ADARB2: variants seen among roughly 807,000 people sequenced by gnomAD.
ADARB2 encodes inactive double-stranded RNA-specific editase B2.
In ADARB2, 25 loss-of-function variants were observed where a neutral mutation model predicts 62.2. The ratio of observed to expected loss-of-function variants is 0.40; its 90% confidence interval spans 0.29 to 0.56. The LOEUF (loss-of-function observed/expected upper bound fraction) is 0.56. ADARB2 is among the 20% of genes least tolerant of loss of function. ADARB2 has a pLI of 0.43. For missense variants in ADARB2, 1,071 were observed against 1,077.4 expected (o/e 0.99, Z 0.08); for synonymous variants, 572 against 500.8 (o/e 1.14, Z -1.90).
At position 1,344,967 on chromosome 10, in the gene ADARB2, A is replaced by G. The variant is rs535346435; in HGVS notation, c.1077+18061T>C. On this transcript the variant is annotated intron_variant, in intron 3 of 9. Transcript: ENST00000381312. Reference sequence around the variant, plus strand: ...GCCAAGAAATAAAACAGACTGTGGGACTTGGTGGCACCAAAGAGGCAGGTG... The same window carrying G: ...GCCAAGAAATAAAACAGACTGTGGGGCTTGGTGGCACCAAAGAGGCAGGTG... Among the ~76,000 whole-genome samples the G allele has an allele frequency of 3.0e-3, 456 of 152,272 alleles. 1 individual carries two copies. Among genetic ancestry groups the G allele is most frequent in the African/African-American group, 0.01 (433 of 41,546 alleles).
chr10:1,637,150 T>C (rs992192769), intron 1 of ADARB2, among the ~76,000 whole-genome samples: 1 of 152,204 alleles, frequency 6.6e-6, no homozygotes, highest in Admixed American at 6.5e-5. Flanking sequence ...AGCCATTTTA[T>C]TTTAAATTAC....
chr10:1,454,844 T>C (rs1393131364), intron 1 of ADARB2, among the ~76,000 whole-genome samples: 11 of 152,320 alleles, frequency 7.2e-5, no homozygotes, highest in Admixed American at 6.5e-4. Flanking sequence ...TATTTTACCA[T>C]AATTTAAAAA....
At chr10:1,472,513 G>C (rs960821371) in intron 1 of ADARB2, among the ~76,000 whole-genome samples, 3 of 152,216 alleles carry the variant, frequency 2.0e-5, no homozygotes, top group Non-Finnish European at 2.9e-5. Flanking sequence ...GGCCAGGAGA[G>C]TCTTCCTCAC....
At chr10:1,539,660 A>C (rs1564322472) in intron 1 of ADARB2, among the ~76,000 whole-genome samples, 1 of 152,244 alleles carries the variant, frequency 6.6e-6, no homozygotes, top group Non-Finnish European at 1.5e-5. Context: ...TTAAAGCGGC[A>C]TGCTCCTGTT....
intron 1 of ADARB2, among the ~76,000 whole-genome samples, chr10:1,558,724 C>T (rs867356765): frequency 7.9e-4 from 82 of 104,176 alleles, no homozygotes; most frequent in African/African-American, 2.5e-3. Flanking sequence ...GCTCAGCCCC[C>T]GCATGCTCCA....
At chr10:1,623,625 C>T (rs1588327854) in intron 1 of ADARB2, among the ~76,000 whole-genome samples, 2 of 152,210 alleles carry the variant, frequency 1.3e-5, no homozygotes, top group African/African-American at 2.4e-5. Flanking sequence ...TTGTCTGTCC[C>T]GTTGTACCGT....
chr10:1,510,148 CTTTCTTTCTTTCTT>C (rs1831915540), intron 1 of ADARB2, among the ~76,000 whole-genome samples: 2 of 123,194 alleles, frequency 1.6e-5, no homozygotes, highest in African/African-American at 6.4e-5. Flanking sequence ...TTCTTTCTTT[CTTTCTTTCTTTCTT>C]TCTTTCTTTT....
At chr10:1,184,173 C>T (rs137988993) in intron 9 of ADARB2, among the ~76,000 whole-genome samples, 1 of 152,296 alleles carries the variant, frequency 6.6e-6, no homozygotes, top group African/African-American at 2.4e-5. Flanking sequence ...GTATGCCTGC[C>T]CTCCTCTACC....
chr10:1,263,501 G>A (rs916936210), intron 4 of ADARB2, among the ~76,000 whole-genome samples: 1 of 152,170 alleles, frequency 6.6e-6, no homozygotes, highest in African/African-American at 2.4e-5. Flanking sequence ...ATAATATGGC[G>A]TTGGATTTTC....
intron 1 of ADARB2, among the ~76,000 whole-genome samples, chr10:1,393,190 C>T (rs1396281591): frequency 2.0e-5 from 3 of 152,156 alleles, no homozygotes; most frequent in African/African-American, 7.2e-5. Flanking sequence ...CTTCTTCTCT[C>T]TGTTGGTTAA....
chr10:1,392,512 T>C (rs946108589), intron 1 of ADARB2, among the ~76,000 whole-genome samples: 1 of 152,066 alleles, frequency 6.6e-6, no homozygotes, highest in Non-Finnish European at 1.5e-5. Context: ...ACAGGTGGAA[T>C]GCCCTGAGAA....
At chr10:1,663,962 G>A (rs544386304) in intron 1 of ADARB2, among the ~76,000 whole-genome samples, 6 of 152,278 alleles carry the variant, frequency 3.9e-5, no homozygotes, top group South Asian at 2.1e-4. Context: ...TGGTCTGAAC[G>A]TGCTACTGTT....
At chr10:1,449,406 C>G (rs896554884) in intron 1 of ADARB2, among the ~76,000 whole-genome samples, 10 of 152,146 alleles carry the variant, frequency 6.6e-5, no homozygotes. Context: ...GCAATGCATC[C>G]CCATGGTAAA....
At chr10:1,200,873 C>G (rs560625309) in intron 7 of ADARB2, among the ~76,000 whole-genome samples, 10 of 152,178 alleles carry the variant, frequency 6.6e-5, no homozygotes, top group Non-Finnish European at 8.8e-5. Context: ...GCAAGCGTTA[C>G]GTAGCTAATT....
chr10:1,355,175 T>C (rs548029519), intron 3 of ADARB2, among the ~76,000 whole-genome samples: 1 of 150,646 alleles, frequency 6.6e-6, no homozygotes, highest in East Asian at 2.0e-4. Context: ...CAGCCCACCG[T>C]GGTTTCTCCC....
chr10:1,563,936 C>T (rs1832823197), intron 1 of ADARB2, among the ~76,000 whole-genome samples: 1 of 149,584 alleles, frequency 6.7e-6, no homozygotes, highest in African/African-American at 2.5e-5. Context: ...CAATTTCATC[C>T]ATGTCCCTAC....
chr10:1,458,319 G>A (rs373139539), intron 1 of ADARB2, among the ~76,000 whole-genome samples: 3 of 152,200 alleles, frequency 2.0e-5, no homozygotes, highest in East Asian at 3.9e-4. Flanking sequence ...GCCCTAATGA[G>A]CTGCCAGGAG....
chr10:1,646,978 G>A (rs1234344506), intron 1 of ADARB2, among the ~76,000 whole-genome samples: 1 of 152,248 alleles, frequency 6.6e-6, no homozygotes, highest in East Asian at 1.9e-4. Context: ...TGTAAAAATG[G>A]AAAGGCCCCA....
intron 3 of ADARB2, 52 bp downstream of exon 3, chr10:1,362,976 C>T (rs1393586553): frequency 4.7e-6 from 6 of 1,272,844 alleles, no homozygotes; most frequent in Non-Finnish European, 6.0e-6. Context: ...GTCGGGGTCT[C>T]CCCCGCGCCC....
Sources: allele counts gnomAD v4.1 joint callset (sites outside exome capture counted in the v4.1 genomes callset), GRCh38; gene constraint gnomAD v4.1.1; transcripts MANE v1.5; gene names NCBI Gene and HGNC (gene_info 2026-07-23, HGNC 2026-07-21).